POU2F1: variants seen among roughly 807,000 people sequenced by gnomAD.
The protein encoded by POU2F1 is POU class 2 homeobox 1.
Under a neutral mutation model 84.9 loss-of-function variants are expected in POU2F1, and 16 were observed. The observed-to-expected ratio is 0.19, with a 90% CI of 0.13 to 0.29. The LOEUF (loss-of-function observed/expected upper bound fraction) is 0.29. POU2F1 is among the 10% of genes least tolerant of loss of function. The probability of loss-of-function intolerance (pLI) is 1.00; values close to 1 mark genes in which losing one functional copy is unlikely to be tolerated. For synonymous variants in POU2F1, 368 were observed against 368.3 expected, an observed-to-expected ratio of 1.00 and a Z score of 0.01; for missense variants, 738 against 942.6, an observed-to-expected ratio of 0.78 and a Z score of 2.84.
rs563533396 is a variant in POU2F1 at position 167,268,858 on chromosome 1, C to T, written c.61+47900C>T. On this transcript the variant is annotated intron_variant, in intron 1 of 15. Transcript: ENST00000367866. ...CAAGTGGAAAGATCCAGAGATTTTA[C>T]TGTTGTTGTTCTCTATTCTCTGTCT... Among the ~76,000 whole-genome samples, 5 of 152,294 alleles carry T rather than the reference C, an allele frequency of 3.3e-5. No individual in the cohort carries two copies. The East Asian group carries it at 9.6e-4, about 29-fold the overall frequency.
Position 167,397,987 on chromosome 1 carries a change from C to G in POU2F1, c.1130-7C>G, listed in dbSNP as rs1343804901. ...ATTTTATTTCTGTATTTTCTTCATT[C>G]TTACAGAGAACCTCTCATCTGATTC... On this transcript the variant is annotated splice_polypyrimidine_tract_variant and splice_region_variant and intron_variant, in intron 10 of 15. Coordinates refer to ENST00000367866, the MANE Select transcript of POU2F1 (RefSeq NM_002697.4). 6.2e-7 allele frequency: 1 copy of G among 1,606,912 alleles called. No homozygotes were observed. Among genetic ancestry groups the G allele is most frequent in the Admixed American group, 1.7e-5 (1 of 58,248 alleles).
intron 7 of POU2F1, chr1:167,380,274 T>G (rs1647425175): frequency 1.3e-5 from 2 of 152,300 alleles, no homozygotes; most frequent in Non-Finnish European, 2.9e-5. Flanking sequence ...CTCTAAGAGT[T>G]GTAGGGAGTC....
chr1:167,417,645 C>G lies in POU2F1; in HGVS notation c.*1835C>G, dbSNP rs1360365981. 1 of 152,198 alleles carries G rather than the reference C, an allele frequency of 6.6e-6. No individual in the cohort carries two copies. The highest frequency in any genetic ancestry group is 1.5e-5 in the Non-Finnish European group (1 of 68,046). The allele number at this position is 152,198 out of a possible 1,614,324, so 9.4% of individuals were successfully genotyped here. On this transcript the variant is annotated 3_prime_UTR_variant, in exon 16 of 16. Transcript: ENST00000367866. ...TGGCTGTGGGTGCTTGCTTAAATCT[C>G]TGGTGGTCCCAAGACTGCACTTTTT...
chr1:167,392,580 C>T (rs1648504739), intron 9 of POU2F1, among the ~76,000 whole-genome samples: 1 of 152,152 alleles, frequency 6.6e-6, no homozygotes, highest in Non-Finnish European at 1.5e-5. Context: ...TAGTGGTTTG[C>T]CTTTCTGCAT....
chr1:167,335,759 G>T (rs746988121), intron 2 of POU2F1, among the ~76,000 whole-genome samples: 7 of 152,044 alleles, frequency 4.6e-5, no homozygotes, highest in Non-Finnish European at 8.8e-5. Context: ...ACTTTATGTC[G>T]TAATTTTTAA....
Position 167,420,035 on chromosome 1 carries a change from G to A in POU2F1, c.*4225G>A, listed in dbSNP as rs756847198. ...TATTTGGAAAGATAAGGGAAACCTT[G>A]TCTGTATTATCCAGAAGCACAGATA... On this transcript the variant is annotated 3_prime_UTR_variant, in exon 16 of 16. Transcript: ENST00000367866. The A allele has an allele frequency of 6.6e-6, 1 of 152,038 alleles. No individual in the cohort carries two copies. Among genetic ancestry groups the A allele is most frequent in the Non-Finnish European group, 1.5e-5 (1 of 68,022 alleles). 9.4% of individuals were successfully genotyped at this position (152,038 alleles called of 1,614,324 possible).
chr1:167,283,111 C>G (rs988074946), intron 1 of POU2F1, among the ~76,000 whole-genome samples: 8 of 152,150 alleles, frequency 5.3e-5, no homozygotes, highest in Non-Finnish European at 8.8e-5. Flanking sequence ...TTCTGTTTTA[C>G]TTGTTTCTTC....
intron 15 of POU2F1, among the ~76,000 whole-genome samples, chr1:167,415,032 T>A (rs1238885195): frequency 6.6e-6 from 1 of 152,232 alleles, no homozygotes; most frequent in Non-Finnish European, 1.5e-5. Context: ...CCGCCACTGA[T>A]CTAACAGGAG....
rs557087682 is a variant in POU2F1 at position 167,400,336 on chromosome 1, C to T, written c.1449+971C>T. Among the ~76,000 whole-genome samples, 7 of 152,184 alleles carry T rather than the reference C, an allele frequency of 4.6e-5. No individual in the cohort carries two copies. The East Asian group carries it at 1.4e-3, about 29-fold the overall frequency. On this transcript the variant is annotated intron_variant, in intron 12 of 15. Transcript: ENST00000367866. ...TTAAAGTGAACAATTTTAATTCTTT[C>T]ATCACATTTCCATCATACTCTTCTC...
At chr1:167,396,921 A>G (rs1648851080) in intron 10 of POU2F1, 1 of 153,600 alleles carries the variant, frequency 6.5e-6, no homozygotes, top group Admixed American at 6.5e-5. Flanking sequence ...GAAGATTGGA[A>G]TTTTGAGTCA....
In POU2F1 at chr1:167,425,024, AT is replaced by A. The variant is rs1449884257; in HGVS notation, c.*9215del. On this transcript the variant is annotated 3_prime_UTR_variant, in exon 16 of 16. Transcript: ENST00000367866. The stretch of plus-strand genomic sequence containing the variant: ...TTTTTTTCCTTTGACATGACCAAAA[AT>A]ATCCAAATATTTAAGTTTATTATTA... 5.3e-5 allele frequency: 8 copies of A among 150,730 alleles called. No individual in the cohort carries two copies. Among genetic ancestry groups the A allele is most frequent in the Non-Finnish European group, 1.2e-4 (8 of 67,730 alleles). The allele number at this position is 150,730 out of a possible 1,614,324, so 9.3% of individuals were successfully genotyped here. A position where few individuals can be genotyped will look rare whatever the true frequency, so the allele number is the denominator to read the frequency against.
intron 1 of POU2F1, among the ~76,000 whole-genome samples, chr1:167,274,664 T>G (rs1652595256): frequency 6.6e-6 from 1 of 152,204 alleles, no homozygotes; most frequent in Non-Finnish European, 1.5e-5. Context: ...CTTTGCTGAT[T>G]AGTAGACTTA....
At chr1:167,223,991 A>C (rs1346833550) in intron 1 of POU2F1, among the ~76,000 whole-genome samples, 1 of 152,330 alleles carries the variant, frequency 6.6e-6, no homozygotes, top group Non-Finnish European at 1.5e-5. Flanking sequence ...ATTTCGGGTC[A>C]ATTTCCTTTA....
chr1:167,276,320 A>G (rs992633090), intron 1 of POU2F1, among the ~76,000 whole-genome samples: 1 of 152,202 alleles, frequency 6.6e-6, no homozygotes, highest in Non-Finnish European at 1.5e-5. Context: ...ATGTTCAGGT[A>G]ACACTTATTT....
chr1:167,276,516 G>A (rs1170342090), intron 1 of POU2F1, among the ~76,000 whole-genome samples: 2 of 152,094 alleles, frequency 1.3e-5, no homozygotes, highest in Admixed American at 6.5e-5. Context: ...TCAGTTGGGG[G>A]TCTTGGAATG....
rs192907157 is a variant in POU2F1, at chr1:167,325,618, A to G, written c.62-6852A>G. On this transcript the variant is annotated intron_variant, in intron 1 of 15. Transcript: ENST00000367866. ...TTAATACTAGTAGTGTCGGCTGGGC[A>G]TGGTGGCTCATGCCTGTAATCCCAG... 1.1e-3 allele frequency among the ~76,000 whole-genome samples: 166 copies of G among 152,186 alleles called. 1 individual carries two copies. The highest frequency in any genetic ancestry group is 3.9e-3 in the African/African-American group (162 of 41,532).
intron 1 of POU2F1, among the ~76,000 whole-genome samples, chr1:167,318,551 G>C (rs937682905): frequency 2.0e-5 from 3 of 152,096 alleles, no homozygotes; most frequent in African/African-American, 7.2e-5. Context: ...ATTTGTTTTT[G>C]AGGGCCGTAT....
chr1:167,227,345 C>A (rs1008117702), intron 1 of POU2F1, among the ~76,000 whole-genome samples: 7 of 152,036 alleles, frequency 4.6e-5, no homozygotes, highest in African/African-American at 7.3e-5. Flanking sequence ...ATTATTATGG[C>A]AGGTTTCCCC....
chr1:167,284,640 A>G (rs893179372), intron 1 of POU2F1, among the ~76,000 whole-genome samples: 8 of 152,242 alleles, frequency 5.3e-5, no homozygotes, highest in South Asian at 2.1e-4. Flanking sequence ...ACATTTTAAT[A>G]TAGGCAGTGT....
Sources: gnomAD v4.1 joint callset for allele counts (sites outside exome capture counted in the v4.1 genomes callset) on GRCh38, gnomAD v4.1.1 for gene constraint, MANE v1.5 for transcripts, NCBI Gene and HGNC (gene_info 2026-07-23, HGNC 2026-07-21) for gene names.